SLIT3: variants seen among roughly 807,000 people sequenced by gnomAD.
The protein encoded by SLIT3 is slit homolog 3 protein.
A neutral mutation model predicts 184.0 loss-of-function variants in SLIT3; 68 were observed. The observed-to-expected ratio is 0.37, with a 90% CI of 0.30 to 0.45. SLIT3 has a LOEUF of 0.45. Ranked by LOEUF, SLIT3 falls within the 20% of genes least tolerant of loss-of-function variation. SLIT3 has a pLI of 1.00. For synonymous variants in SLIT3, 831 were observed against 828.6 expected, an observed-to-expected ratio of 1.00 and a Z score of -0.05; for missense variants, 1,707 against 2,026.0, an observed-to-expected ratio of 0.84 and a Z score of 3.02.
chr5:169,282,917 A>T (rs1189705335), intron 1 of SLIT3, among the ~76,000 whole-genome samples: 1 of 152,056 alleles, frequency 6.6e-6, no homozygotes, highest in African/African-American at 2.4e-5. Context: ...TCCAAAAAGC[A>T]CCCCCAAATC....
chr5:169,142,281 G>C (rs978157936), intron 4 of SLIT3, among the ~76,000 whole-genome samples: 1 of 151,952 alleles, frequency 6.6e-6, no homozygotes, highest in Non-Finnish European at 1.5e-5. Context: ...TAAACAAACA[G>C]TGTTTTATGA....
Position 168,748,336 on chromosome 5 carries a change from G to A in SLIT3, c.2236C>T (p.Leu746Phe), listed in dbSNP as rs1407033312. The A allele has an allele frequency of 6.7e-7, 1 of 1,491,180 alleles. No individual in the cohort carries two copies. Among genetic ancestry groups the A allele is most frequent in the East Asian group, 2.7e-5 (1 of 36,744 alleles). 92.4% of individuals were successfully genotyped at this position (1,491,180 alleles called of 1,614,324 possible). A position where few individuals can be genotyped will look rare whatever the true frequency, so the allele number is the denominator to read the frequency against. ...ACATCCTTGGGCATGCCTCTGGGGA[G>A]GGCGCGGAGCCCCTTGTTGCTGCAT... ...VRCSNKGLRA[L>F]PRGMPKDVTE... Residue 746 changes from leucine (L) to phenylalanine (F), a missense_variant, in exon 20 of 36, where the codon CTC becomes TTC. Physicochemically the swap from Leu to Phe is conservative, Grantham distance 22. Around this residue, in one of 3 missense-constraint regions of SLIT3, gnomAD observed 1,307 missense variants for 1,511.6 expected, o/e 0.86. Transcript: ENST00000519560.
chr5:168,866,179 G>A (rs148128474), intron 5 of SLIT3, among the ~76,000 whole-genome samples: 402 of 152,354 alleles, frequency 2.6e-3, no homozygotes, highest in Non-Finnish European at 4.8e-3. Flanking sequence ...TGCAGGCGGA[G>A]TCAGCATTTG....
At chr5:169,160,232 TGAG>T (rs1402963007) in intron 4 of SLIT3, among the ~76,000 whole-genome samples, 1 of 152,232 alleles carries the variant, frequency 6.6e-6, no homozygotes, top group Non-Finnish European at 1.5e-5. Flanking sequence ...TTTAATGGTC[TGAG>T]GAGGAAGACA....
At chr5:168,799,690 G>T (rs201287038) in intron 9 of SLIT3, among the ~76,000 whole-genome samples, 1 of 151,772 alleles carries the variant, frequency 6.6e-6, no homozygotes, top group Non-Finnish European at 1.5e-5. Flanking sequence ...GGAAACATTG[G>T]TGGTGGTGGT....
At chr5:169,006,605 T>TCTCTCACACA (rs899753279) in intron 4 of SLIT3, among the ~76,000 whole-genome samples, 2 of 145,794 alleles carry the variant, frequency 1.4e-5, no homozygotes, top group African/African-American at 2.6e-5. Flanking sequence ...TCTCTCTCTC[T>TCTCTCACACA]CACACACACA....
At chr5:168,823,193 G>T in intron 7 of SLIT3, 67 bp downstream of exon 7, 1 of 1,197,768 alleles carries the variant, frequency 8.3e-7, no homozygotes. Context: ...GACAAGCAGC[G>T]TAGAGTGCTG....
At chr5:168,910,853 C>T (rs1014036231) in intron 4 of SLIT3, among the ~76,000 whole-genome samples, 1 of 151,960 alleles carries the variant, frequency 6.6e-6, no homozygotes, top group South Asian at 2.1e-4. Context: ...GCAAAGAGAA[C>T]CTCTTTTAAA....
chr5:169,110,918 T>G (rs1172312632), intron 4 of SLIT3, among the ~76,000 whole-genome samples: 1 of 152,186 alleles, frequency 6.6e-6, no homozygotes, highest in Non-Finnish European at 1.5e-5. Context: ...ATCCAGTGGG[T>G]GAAGACCGAG....
At chr5:169,150,120 T>C (rs1368903927) in intron 4 of SLIT3, among the ~76,000 whole-genome samples, 1 of 152,200 alleles carries the variant, frequency 6.6e-6, no homozygotes, top group African/African-American at 2.4e-5. Flanking sequence ...AAATATGCCT[T>C]ATATGAGCAA....
At chr5:168,807,078 C>G (rs1009868845) in intron 8 of SLIT3, among the ~76,000 whole-genome samples, 9 of 152,138 alleles carry the variant, frequency 5.9e-5, no homozygotes, top group Non-Finnish European at 1.3e-4. Context: ...GTTAATACCC[C>G]CACCAGCAGC....
intron 5 of SLIT3, among the ~76,000 whole-genome samples, chr5:168,855,008 G>A (rs932547397): frequency 2.6e-5 from 4 of 152,202 alleles, no homozygotes; most frequent in Non-Finnish European, 4.4e-5. Flanking sequence ...GAAGAGGCCA[G>A]CTTCCTTTTC....
At chr5:169,087,916 A>T (rs1386368173) in intron 4 of SLIT3, among the ~76,000 whole-genome samples, 1 of 152,216 alleles carries the variant, frequency 6.6e-6, no homozygotes, top group Non-Finnish European at 1.5e-5. Flanking sequence ...TGCTCTGTAG[A>T]CCAACATATT....
chr5:169,075,099 C>T (rs1287305744), intron 4 of SLIT3, among the ~76,000 whole-genome samples: 2 of 152,196 alleles, frequency 1.3e-5, no homozygotes, highest in East Asian at 3.9e-4. Context: ...CATAATACAT[C>T]ACCGAGAGAC....
At chr5:169,039,613 G>C (rs72826570) in intron 4 of SLIT3, among the ~76,000 whole-genome samples, 2 of 151,982 alleles carry the variant, frequency 1.3e-5, no homozygotes, top group South Asian at 2.1e-4. Context: ...CACTTCACCC[G>C]GCCAGGAGTT....
intron 4 of SLIT3, among the ~76,000 whole-genome samples, chr5:169,178,510 T>TC (rs1763050870): frequency 2.0e-5 from 3 of 152,320 alleles, no homozygotes; most frequent in Admixed American, 2.0e-4. Flanking sequence ...ACACGTGCGA[T>TC]CAGAGATTCT....
At chr5:168,776,118 G>A (rs534279132) in intron 12 of SLIT3, among the ~76,000 whole-genome samples, 26 of 152,260 alleles carry the variant, frequency 1.7e-4, no homozygotes, top group South Asian at 6.2e-4. Context: ...GATGGATGCC[G>A]GGCTGGCCTG....
intron 20 of SLIT3, among the ~76,000 whole-genome samples, chr5:168,727,010 CAAA>C (rs56207322): frequency 7.2e-5 from 7 of 97,846 alleles, no homozygotes; most frequent in Admixed American, 2.3e-4. Flanking sequence ...GACTGTGTCT[CAAA>C]AAAAAAAAAA....
chr5:169,054,830 G>A (rs544851848), intron 4 of SLIT3, among the ~76,000 whole-genome samples: 2 of 152,248 alleles, frequency 1.3e-5, no homozygotes, highest in South Asian at 2.1e-4. Flanking sequence ...ACAGCTCAAG[G>A]TCTATCTCCT....
Sources: gnomAD v4.1 joint callset for allele counts (sites outside exome capture counted in the v4.1 genomes callset) on GRCh38, gnomAD v4.1.1 for gene constraint, gnomAD v4.1.1 regional missense constraint, MANE v1.5 for transcripts, NCBI Gene and HGNC (gene_info 2026-07-23, HGNC 2026-07-21) for gene names.